Variants in TMEM232 observed in about 807,000 individuals in gnomAD.
TMEM232 encodes transmembrane protein 232.
A neutral mutation model predicts 78.8 loss-of-function variants in TMEM232; 80 were observed. The observed-to-expected ratio is 1.01, with a 90% CI of 0.85 to 1.22. The LOEUF is 1.22. Among genes scored for constraint, TMEM232 ranks in the 50% most tolerant of loss-of-function variants. The pLI is 0.00. For synonymous variants in TMEM232, 297 were observed against 254.3 expected, an observed-to-expected ratio of 1.17 and a Z score of -1.60; for missense variants, 881 against 742.2, an observed-to-expected ratio of 1.19 and a Z score of -2.17.
intron 3 of TMEM232, among the ~76,000 whole-genome samples, chr5:110,394,401 C>T (rs1755313013): frequency 6.6e-6 from 1 of 152,168 alleles, no homozygotes. Flanking sequence ...GTGAATAGTG[C>T]TGCAGTAAAC....
At chr5:110,686,980 T>C (rs1453347777) in intron 1 of TMEM232, among the ~76,000 whole-genome samples, 1 of 152,118 alleles carries the variant, frequency 6.6e-6, no homozygotes, top group Non-Finnish European at 1.5e-5. Flanking sequence ...GTATTATTGA[T>C]CCTCATCTTC....
chr5:110,600,351 C>CA (rs369901226), intron 10 of TMEM232, among the ~76,000 whole-genome samples: 1 of 151,640 alleles, frequency 6.6e-6, no homozygotes, highest in South Asian at 2.1e-4. Flanking sequence ...AAAAGTCCTT[C>CA]AAAAAAATCA....
Position 110,620,188 on chromosome 5 carries a change from G to T in TMEM232, c.769-1626C>A, listed in dbSNP as rs73226215. Among the ~76,000 whole-genome samples, 645 of 152,186 alleles carry T rather than the reference G, an allele frequency of 4.2e-3. 3 individuals are homozygous for T. The highest frequency in any genetic ancestry group is 0.014 in the African/African-American group (599 of 41,536). On this transcript the variant is annotated intron_variant, in intron 7 of 13. Coordinates refer to ENST00000455884, the MANE Select transcript of TMEM232 (RefSeq NM_001039763.4). Reference sequence around the variant, plus strand: ...TTATGCCAATTTTACACATCGTGGAGAAATAAAAAGCATCCTCTCATGTCT... The same window carrying T: ...TTATGCCAATTTTACACATCGTGGATAAATAAAAAGCATCCTCTCATGTCT...
intron 4 of TMEM232, 109 bp from the exon 5 acceptor site, chr5:110,638,464 T>G (rs193245195): frequency 7.5e-6 from 8 of 1,059,710 alleles, no homozygotes; most frequent in Middle Eastern, 3.2e-4. Context: ...CAAATTGCAG[T>G]TTTAAAATAT....
In TMEM232 at chr5:110,714,546, T is replaced by G. The variant is rs1796836583; in HGVS notation, c.-13+12081A>C. On this transcript the variant is annotated intron_variant, in intron 1 of 13. Transcript: ENST00000455884. Reference sequence around the variant, plus strand: ...GCTTAGAATAAAATTAACTTAAAATTTCTTTAAGGTGTAATGTCTGTTATT... The same window carrying G: ...GCTTAGAATAAAATTAACTTAAAATGTCTTTAAGGTGTAATGTCTGTTATT... Among the ~76,000 whole-genome samples the G allele has an allele frequency of 2.0e-5, 3 of 152,160 alleles. No homozygotes were observed. In the South Asian group the frequency reaches 6.2e-4, roughly 31 times the overall value.
chr5:110,717,726 G>A (rs1257369669), intron 1 of TMEM232, among the ~76,000 whole-genome samples: 1 of 152,102 alleles, frequency 6.6e-6, no homozygotes, highest in Non-Finnish European at 1.5e-5. Flanking sequence ...TCATGATAAT[G>A]AGGGAGTTAT....
intron 12 of TMEM232, among the ~76,000 whole-genome samples, chr5:110,427,504 A>G (rs1275764415): frequency 6.8e-6 from 1 of 146,284 alleles, no homozygotes; most frequent in Admixed American, 6.7e-5. Context: ...AATGAACAGT[A>G]GAGAGAGACT....
chr5:110,721,673 G>GTGTGTATATATATATATATA (rs146117698), intron 1 of TMEM232, among the ~76,000 whole-genome samples: 1 of 35,442 alleles, frequency 2.8e-5, no homozygotes, highest in Non-Finnish European at 6.2e-5. Context: ...GTGTGTGTGT[G>GTGTGTATATATATATATATA]TATATATATA....
At chr5:110,705,004 G>A (rs78534641) in intron 1 of TMEM232, among the ~76,000 whole-genome samples, 3,672 of 152,190 alleles carry the variant, frequency 0.024, 47 homozygotes, top group African/African-American at 0.032. Flanking sequence ...ATTACTTGGT[G>A]AACAAGGATA....
At chr5:110,592,074 T>A (rs1406722804) in intron 10 of TMEM232, among the ~76,000 whole-genome samples, 2 of 152,122 alleles carry the variant, frequency 1.3e-5, no homozygotes, top group South Asian at 2.1e-4. Flanking sequence ...AAGGATCATG[T>A]TACAATGGAC....
At chr5:110,475,504 C>T (rs431757) in intron 12 of TMEM232, among the ~76,000 whole-genome samples, 22,614 of 121,506 alleles carry the variant, frequency 0.19, 4,751 homozygotes, top group African/African-American at 0.53. Flanking sequence ...GGACATCAAA[C>T]AGTGAAGGAT....
At chr5:110,450,894 C>T (rs1760201008) in intron 12 of TMEM232, among the ~76,000 whole-genome samples, 2 of 152,136 alleles carry the variant, frequency 1.3e-5, no homozygotes. Flanking sequence ...GTATACCTCA[C>T]CCAGGGAAAA....
intron 10 of TMEM232, among the ~76,000 whole-genome samples, chr5:110,578,059 TA>T (rs1321950454): frequency 1.3e-5 from 2 of 151,792 alleles, no homozygotes; most frequent in East Asian, 1.9e-4. Context: ...AATTAAAAAT[TA>T]AAAAAATGAT....
rs148128618 is a variant in TMEM232, at chr5:110,653,894, T to G, written c.126-11523A>C. On this transcript the variant is annotated intron_variant, in intron 2 of 13. Coordinates refer to ENST00000455884, the MANE Select transcript of TMEM232 (RefSeq NM_001039763.4). ...TGGATAAGATCCAGAAATAAAGATTTCAGATTCACCGACATATCAGTGATG... is the reference window on the plus strand; with the variant it reads ...TGGATAAGATCCAGAAATAAAGATTGCAGATTCACCGACATATCAGTGATG... Among the ~76,000 whole-genome samples the G allele has an allele frequency of 5.6e-3, 855 of 152,248 alleles. 5 individuals carry two copies. Among genetic ancestry groups the G allele is most frequent in the African/African-American group, 0.019 (803 of 41,540 alleles).
chr5:110,705,370 A>T (rs1382220952), intron 1 of TMEM232, among the ~76,000 whole-genome samples: 1 of 152,162 alleles, frequency 6.6e-6, no homozygotes, highest in East Asian at 1.9e-4. Context: ...AAGAGTCAAT[A>T]CTTACCAATC....
intron 11 of TMEM232, among the ~76,000 whole-genome samples, chr5:110,534,168 C>T (rs1771968013): frequency 6.6e-6 from 1 of 152,192 alleles, no homozygotes; most frequent in Non-Finnish European, 1.5e-5. Context: ...AAGGCCACCA[C>T]AGTCATTTCT....
At chr5:110,491,033 TG>T (rs1765034557) in intron 12 of TMEM232, among the ~76,000 whole-genome samples, 1 of 152,076 alleles carries the variant, frequency 6.6e-6, no homozygotes, top group Non-Finnish European at 1.5e-5. Context: ...ATCAAGAAAG[TG>T]AAAATCCACA....
At chr5:110,653,872 A>G (rs1462908254) in intron 2 of TMEM232, among the ~76,000 whole-genome samples, 2 of 152,220 alleles carry the variant, frequency 1.3e-5, no homozygotes, top group East Asian at 3.9e-4. Flanking sequence ...GAGGAAATGG[A>G]TAAGATCCAG....
intron 12 of TMEM232, among the ~76,000 whole-genome samples, chr5:110,485,987 T>C (rs910070252): frequency 7.9e-5 from 12 of 151,944 alleles, no homozygotes; most frequent in Non-Finnish European, 1.6e-4. Context: ...CTACTGTTTT[T>C]CAATTTTTTT....
Sources: allele counts gnomAD v4.1 joint callset (sites outside exome capture counted in the v4.1 genomes callset), GRCh38; gene constraint gnomAD v4.1.1; transcripts MANE v1.5; gene names NCBI Gene and HGNC (gene_info 2026-07-23, HGNC 2026-07-21).